The following OPHN1 variants were observed in gnomAD, a reference collection of about 807,000 sequenced individuals.
OPHN1 encodes oligophrenin-1.
OPHN1 carries 11 observed loss-of-function variants against 60.7 expected under a neutral mutation model. The ratio of observed to expected loss-of-function variants is 0.18; its 90% confidence interval spans 0.11 to 0.30. The LOEUF (loss-of-function observed/expected upper bound fraction) is 0.30. OPHN1 is among the 10% of genes least tolerant of loss of function. The pLI is 1.00. For synonymous variants in OPHN1, 226 were observed against 222.6 expected, an observed-to-expected ratio of 1.02 and a Z score of -0.14; for missense variants, 449 against 611.0, an observed-to-expected ratio of 0.73 and a Z score of 2.80.
chrX:68,309,331 T>C (rs2078161639), intron 2 of OPHN1, among the ~76,000 whole-genome samples: 1 of 111,453 alleles, frequency 9.0e-6, no homozygotes, highest in African/African-American at 3.3e-5. Flanking sequence ...ATCAGATTGA[T>C]TTAACCAAAA....
At chrX:68,059,001 A>G (rs1011076990) in intron 21 of OPHN1, among the ~76,000 whole-genome samples, 2 of 111,872 alleles carry the variant, frequency 1.8e-5, no homozygotes, top group African/African-American at 6.5e-5. Context: ...TAAGGTTCAG[A>G]GAGGTTGTAA....
intron 2 of OPHN1, among the ~76,000 whole-genome samples, chrX:68,331,538 C>T (rs1257465496): frequency 1.9e-5 from 2 of 107,666 alleles, no homozygotes; most frequent in African/African-American, 6.7e-5. Context: ...TCGAGACCAG[C>T]CTGGCCAATA....
At chrX:68,066,357 T>G (rs1394995939) in intron 20 of OPHN1, among the ~76,000 whole-genome samples, 2 of 111,454 alleles carry the variant, frequency 1.8e-5, no homozygotes, top group Non-Finnish European at 3.8e-5. Context: ...TAGAGTAACA[T>G]CACCATCTCA....
chrX:68,292,571 T>C (rs189513795), intron 3 of OPHN1, among the ~76,000 whole-genome samples: 4 of 111,678 alleles, frequency 3.6e-5, no homozygotes, highest in Non-Finnish European at 5.6e-5. Flanking sequence ...CATAGGTTTT[T>C]ATGTTTTAAT....
intron 2 of OPHN1, among the ~76,000 whole-genome samples, chrX:68,393,720 C>T (rs1302439739): frequency 9.1e-6 from 1 of 109,306 alleles, no homozygotes; most frequent in Non-Finnish European, 1.9e-5. Context: ...CTTCTGCACT[C>T]TAAAATTAAT....
intron 21 of OPHN1, 133 bp from the exon 22 acceptor site, chrX:68,053,943 T>G: frequency 9.0e-6 from 5 of 553,377 alleles, no homozygotes; most frequent in Non-Finnish European, 1.1e-5. Flanking sequence ...CTAACAACTC[T>G]GGCTATTTTT....
intron 5 of OPHN1, among the ~76,000 whole-genome samples, chrX:68,244,328 G>A (rs1339437512): frequency 8.9e-6 from 1 of 111,953 alleles, no homozygotes; most frequent in Non-Finnish European, 1.9e-5. Context: ...AAGTAACATC[G>A]AATCACCGAT....
chrX:68,222,015 T>C (rs5964653), intron 6 of OPHN1, among the ~76,000 whole-genome samples: 5,541 of 107,648 alleles, frequency 0.051, 403 homozygotes, highest in African/African-American at 0.18. Context: ...GAGAAAATTT[T>C]CGCAACCTAC....
intron 15 of OPHN1, among the ~76,000 whole-genome samples, chrX:68,189,398 C>T (rs1285468042): frequency 1.8e-5 from 2 of 110,431 alleles, no homozygotes; most frequent in Non-Finnish European, 3.8e-5. Context: ...GGTACATGTG[C>T]ACAACGTGCA....
At chrX:68,357,400 C>CA (rs59962907) in intron 2 of OPHN1, among the ~76,000 whole-genome samples, 1,229 of 110,370 alleles carry the variant, frequency 0.011, 19 homozygotes, top group African/African-American at 0.039. Flanking sequence ...TATCCCTCCC[C>CA]CCTGCCCCCA....
chrX:68,383,896 T>A (rs1305791004), intron 2 of OPHN1, among the ~76,000 whole-genome samples: 1 of 111,103 alleles, frequency 9.0e-6, no homozygotes, highest in Non-Finnish European at 1.9e-5. Flanking sequence ...TAGAAGCAAC[T>A]TGACCAGGGA....
At position 68,260,413 on chromosome X, in the gene OPHN1, G is replaced by A. The variant is rs139614920; in HGVS notation, c.384+14325C>T. On this transcript the variant is annotated intron_variant, in intron 5 of 24. Transcript: ENST00000355520. ...TATATATCCATTGAACTGGTGACAG[G>A]CATTATTAATCTTTTTTTTAATCTT... 3.6e-5 allele frequency among the ~76,000 whole-genome samples: 4 copies of A among 110,418 alleles called. No individual in the cohort carries two copies. In the South Asian group the frequency reaches 1.6e-3, roughly 43 times the overall value.
chrX:68,133,015 G>T, intron 15 of OPHN1: 1 of 482,189 alleles, frequency 2.1e-6, no homozygotes. Context: ...CGCTTCAGAC[G>T]CAGACCCTAC....
intron 5 of OPHN1, among the ~76,000 whole-genome samples, chrX:68,270,886 C>G (rs1484332216): frequency 9.0e-6 from 1 of 111,450 alleles, no homozygotes; most frequent in Admixed American, 9.5e-5. Flanking sequence ...AGACTTACAA[C>G]CAGATCTCAA....
At chrX:68,289,833 G>T (rs1159305573) in intron 3 of OPHN1, among the ~76,000 whole-genome samples, 2 of 112,514 alleles carry the variant, frequency 1.8e-5, no homozygotes, top group African/African-American at 6.5e-5. Context: ...AAATTATTAA[G>T]TATGTCCACT....
intron 7 of OPHN1, among the ~76,000 whole-genome samples, chrX:68,213,343 C>G (rs934588237): frequency 1.8e-5 from 2 of 111,552 alleles, no homozygotes; most frequent in African/African-American, 6.5e-5. Flanking sequence ...GTTTGGGTGA[C>G]AGTGAGACCC....
At chrX:68,201,921 C>A (rs1261599786) in intron 10 of OPHN1, among the ~76,000 whole-genome samples, 1 of 111,389 alleles carries the variant, frequency 9.0e-6, no homozygotes, top group African/African-American at 3.3e-5. Context: ...ATGGCTGAGA[C>A]CAGGAGAAAT....
chrX:68,343,054 CCTGAAG>C (rs1340949527), intron 2 of OPHN1, among the ~76,000 whole-genome samples: 1 of 110,849 alleles, frequency 9.0e-6, no homozygotes, highest in Non-Finnish European at 1.9e-5. Flanking sequence ...AGGTGGATCA[CCTGAAG>C]TCAGGAGTTC....
intron 19 of OPHN1, among the ~76,000 whole-genome samples, chrX:68,088,823 G>GC (rs1195081310): frequency 1.8e-5 from 2 of 110,492 alleles, no homozygotes; most frequent in African/African-American, 6.6e-5. Context: ...GGGTAAACTG[G>GC]CTTGTTTAGA....
Sources: allele counts gnomAD v4.1 joint callset (sites outside exome capture counted in the v4.1 genomes callset), GRCh38; gene constraint gnomAD v4.1.1; transcripts MANE v1.5; gene names NCBI Gene and HGNC (gene_info 2026-07-23, HGNC 2026-07-21).